Variants in PCDHA8 observed in about 807,000 individuals in gnomAD.
PCDHA8 encodes protocadherin alpha-8.
In PCDHA8, 53 loss-of-function variants were observed where a neutral mutation model predicts 61.8. The ratio of observed to expected loss-of-function variants is 0.86; its 90% CI spans 0.69 to 1.08. The LOEUF (loss-of-function observed/expected upper bound fraction) is 1.08. PCDHA8 is among the 50% of genes least tolerant of loss of function. The probability of loss-of-function intolerance (pLI) is 0.00; values close to 1 mark genes in which losing one functional copy is unlikely to be tolerated. For missense variants in PCDHA8, 1,293 were observed against 1,245.0 expected, an observed-to-expected ratio of 1.04 and a Z score of -0.58; for synonymous variants, 618 against 556.6, an observed-to-expected ratio of 1.11 and a Z score of -1.55.
intron 3 of PCDHA8, among the ~76,000 whole-genome samples, chr5:140,999,748 G>A (rs1563643254): frequency 1.3e-5 from 2 of 152,188 alleles, no homozygotes; most frequent in South Asian, 2.1e-4. Flanking sequence ...ATCTGGGTTC[G>A]CAGCACATGA....
intron 1 of PCDHA8, chr5:140,930,576 T>C (rs1554207933): frequency 1.3e-5 from 2 of 152,582 alleles, no homozygotes; most frequent in Non-Finnish European, 2.9e-5. Flanking sequence ...TCTACGGTAT[T>C]ACTTTTTGAC....
Position 141,009,469 on chromosome 5 carries a change from A to G in PCDHA8, c.2543-158A>G, listed in dbSNP as rs1440766583. On this transcript the variant is annotated intron_variant, in intron 3 of 3. Transcript: ENST00000531613. Reference sequence around the variant, plus strand: ...AAAAAAATTAAACAAATAAATAAATAAGTAAACACTTGCCTTGCCCTCAGA... The same window carrying G: ...AAAAAAATTAAACAAATAAATAAATGAGTAAACACTTGCCTTGCCCTCAGA... 6 of 956,242 alleles carry G rather than the reference A, an allele frequency of 6.3e-6. No homozygotes were observed. The African/African-American group carries it at 7.1e-5, about 11-fold the overall frequency. 59.2% of individuals were successfully genotyped at this position (956,242 alleles called of 1,614,324 possible). A position where few individuals can be genotyped will look rare whatever the true frequency, so the allele number is the denominator to read the frequency against.
At chr5:140,980,076 G>A (rs2096875671) in intron 2 of PCDHA8, among the ~76,000 whole-genome samples, 1 of 152,214 alleles carries the variant, frequency 6.6e-6, no homozygotes, top group South Asian at 2.1e-4. Flanking sequence ...AAGGGCTGAA[G>A]ATTAGTAGTT....
intron 1 of PCDHA8, among the ~76,000 whole-genome samples, chr5:140,954,107 C>G (rs1375819333): frequency 2.0e-5 from 3 of 152,182 alleles, no homozygotes; most frequent in Admixed American, 1.3e-4. Flanking sequence ...CTGCAAAGGA[C>G]AAGATCTTGT....
chr5:140,982,128 A>G (rs2153827578), intron 2 of PCDHA8, among the ~76,000 whole-genome samples: 1 of 152,384 alleles, frequency 6.6e-6, no homozygotes, highest in South Asian at 2.1e-4. Flanking sequence ...TTTTGAGAAC[A>G]AGCCCTCCTC....
At chr5:140,900,588 C>G (rs1025443524) in intron 1 of PCDHA8, among the ~76,000 whole-genome samples, 3 of 152,150 alleles carry the variant, frequency 2.0e-5, no homozygotes, top group African/African-American at 7.2e-5. Flanking sequence ...TTTTCTTTAC[C>G]CGTTCATCTG....
At chr5:140,901,909 C>T (rs2068974930) in intron 1 of PCDHA8, among the ~76,000 whole-genome samples, 1 of 151,454 alleles carries the variant, frequency 6.6e-6, no homozygotes, top group African/African-American at 2.4e-5. Context: ...TTGTGGAGAT[C>T]TTTCACTTCT....
rs2150369149 is a variant in PCDHA8 at position 140,844,155 on chromosome 5, T to C, written c.2394+440T>C. On this transcript the variant is annotated intron_variant, in intron 1 of 3. Transcript: ENST00000531613. ...AATATGTTGTCTTTATATTTACTTTTATTCACTTTAAGATCTCGGTTTATT... is the reference window on the plus strand; with the variant it reads ...AATATGTTGTCTTTATATTTACTTTCATTCACTTTAAGATCTCGGTTTATT... 1.3e-4 allele frequency among the ~76,000 whole-genome samples: 20 copies of C among 149,790 alleles called. 2 individuals carry two copies. The highest frequency in any genetic ancestry group is 6.7e-4 in the Admixed American group (10 of 14,966).
chr5:140,941,191 T>TTTCTTTCTTTCTTTCTTTC (rs1487503403), intron 1 of PCDHA8, among the ~76,000 whole-genome samples: 6 of 93,258 alleles, frequency 6.4e-5, no homozygotes, highest in Middle Eastern at 5.1e-3. Flanking sequence ...GCTTCTTTTT[T>TTTCTTTCTTTCTTTCTTTC]TTTCTTTCTT....
intron 1 of PCDHA8, chr5:140,966,746 C>T: frequency 1.4e-6 from 2 of 1,425,932 alleles, no homozygotes; most frequent in Non-Finnish European, 1.8e-6. Context: ...TGCCCGGCTG[C>T]CTCCGCCGCG....
intron 1 of PCDHA8, among the ~76,000 whole-genome samples, chr5:140,904,015 AT>A (rs1171166257): frequency 6.6e-6 from 1 of 152,234 alleles, no homozygotes; most frequent in Non-Finnish European, 1.5e-5. Flanking sequence ...ACTTTAAAAA[AT>A]AATGGTATAA....
At chr5:140,947,171 A>G (rs2094098405) in intron 1 of PCDHA8, among the ~76,000 whole-genome samples, 2 of 151,546 alleles carry the variant, frequency 1.3e-5, no homozygotes, top group Non-Finnish European at 3.0e-5. Context: ...AAAATGTGGT[A>G]TATATTCATG....
chr5:140,972,660 A>AT (rs11350929), intron 1 of PCDHA8, among the ~76,000 whole-genome samples: 2,691 of 117,234 alleles, frequency 0.023, 50 homozygotes, highest in South Asian at 0.067. Context: ...AAGAAACCAA[A>AT]TTTTTTTTTT....
intron 1 of PCDHA8, chr5:140,967,728 G>T: frequency 6.2e-7 from 1 of 1,614,176 alleles, no homozygotes; most frequent in East Asian, 2.2e-5. Context: ...CGAGTAATTG[G>T]GGGGCTGGAT....
At chr5:140,928,856 T>G (rs540865490) in intron 1 of PCDHA8, 1 of 1,614,218 alleles carries the variant, frequency 6.2e-7, no homozygotes, top group African/African-American at 1.3e-5. Context: ...CTGGGTGTGC[T>G]GTTGAGCAAC....
At chr5:140,967,792 A>G (rs371669028) in intron 1 of PCDHA8, 4 of 1,614,212 alleles carry the variant, frequency 2.5e-6, no homozygotes, top group Non-Finnish European at 3.4e-6. Context: ...ACCGGGGTCC[A>G]GTGCCCATGG....
In PCDHA8 at chr5:140,841,948, C is replaced by T. The variant is rs1777604440; in HGVS notation, c.627C>T (p.His209=). 6.2e-7 allele frequency: 1 copy of T among 1,613,804 alleles called. No homozygotes were observed. Among genetic ancestry groups the T allele is most frequent in the Non-Finnish European group, 8.5e-7 (1 of 1,179,874 alleles). The change falls in exon 1 of 4, where the codon CAC becomes CAT. Residue 209 remains histidine, a synonymous_variant. Coordinates refer to ENST00000531613, the MANE Select transcript of PCDHA8 (RefSeq NM_018911.3). ...SLDREDAPAH[H]LFLTATDGGK... is the part of the protein sequence containing the mutation. Reference sequence around the variant, plus strand: ...ACAGAGAGGACGCTCCTGCGCACCACTTATTCCTGACAGCCACAGATGGGG... The same window carrying T: ...ACAGAGAGGACGCTCCTGCGCACCATTTATTCCTGACAGCCACAGATGGGG...
chr5:140,934,868 G>A (rs2090080725), intron 1 of PCDHA8, among the ~76,000 whole-genome samples: 1 of 152,128 alleles, frequency 6.6e-6, no homozygotes, highest in African/African-American at 2.4e-5. Flanking sequence ...CTTTGTGAGT[G>A]TGTTTGTGTA....
chr5:140,943,737 C>T (rs551964655), intron 1 of PCDHA8, among the ~76,000 whole-genome samples: 12 of 152,258 alleles, frequency 7.9e-5, no homozygotes, highest in African/African-American at 2.9e-4. Context: ...TGAAAGTCCA[C>T]AGTCTAAAAG....
Sources: gnomAD v4.1 joint callset for allele counts (sites outside exome capture counted in the v4.1 genomes callset) on GRCh38, gnomAD v4.1.1 for gene constraint, MANE v1.5 for transcripts, NCBI Gene and HGNC (gene_info 2026-07-23, HGNC 2026-07-21) for gene names.